The following NPY1R variants were observed in gnomAD, a reference collection of about 807,000 sequenced individuals.
NPY1R encodes neuropeptide Y receptor Y1, also known as neuropeptide Y receptor type 1.
In NPY1R, 10 loss-of-function variants were observed where a neutral mutation model predicts 24.1. That is an observed-to-expected ratio of 0.42 (90% CI 0.26 to 0.71). The LOEUF is 0.71. NPY1R is among the 30% of genes least tolerant of loss of function. The pLI is 0.28. For missense variants in NPY1R, 350 were observed against 458.0 expected (o/e 0.76, Z 2.15); for synonymous variants, 168 against 165.9 (o/e 1.01, Z -0.10).
At chr4:163,334,216 A>G (rs1196319137), upstream of NPY1R, among the ~76,000 whole-genome samples, 1 of 152,244 alleles carries the variant, frequency 6.6e-6, no homozygotes, top group Non-Finnish European at 1.5e-5. Flanking sequence ...TTAGCCTGCT[A>G]TAAGAATTAC....
intron 1 of NPY1R, among the ~76,000 whole-genome samples, chr4:163,342,457 C>T (rs935108868): frequency 1.3e-5 from 2 of 152,160 alleles, no homozygotes; most frequent in African/African-American, 2.4e-5. Context: ...TTCTCAAGGT[C>T]ATCCCTTCTT....
upstream of NPY1R, among the ~76,000 whole-genome samples, chr4:163,337,870 A>T (rs1734880821): frequency 1.3e-5 from 2 of 152,152 alleles, no homozygotes; most frequent in Admixed American, 6.5e-5. Flanking sequence ...GATAAGGTAC[A>T]TATACAGTCA....
At chr4:163,336,092 A>G (rs1044276517), upstream of NPY1R, among the ~76,000 whole-genome samples, 1 of 152,172 alleles carries the variant, frequency 6.6e-6, no homozygotes, top group Non-Finnish European at 1.5e-5. Flanking sequence ...GAAAACACAC[A>G]ATACTATTTG....
intron 1 of NPY1R, among the ~76,000 whole-genome samples, chr4:163,327,334 T>C (rs1734630246): frequency 6.6e-6 from 1 of 152,210 alleles, no homozygotes; most frequent in South Asian, 2.1e-4. Context: ...TACAGATGTC[T>C]TCTTGTATTT....
chr4:163,343,492 C>A (rs538224308), intron 1 of NPY1R, among the ~76,000 whole-genome samples: 1 of 151,928 alleles, frequency 6.6e-6, no homozygotes, highest in Admixed American at 6.6e-5. Flanking sequence ...CCACACCACC[C>A]CCCACCGTCC....
Position 163,325,575 on chromosome 4 carries a change from T to G in NPY1R, c.883A>C (p.Thr295Pro), listed in dbSNP as rs1169551818. The change falls in exon 3 of 3, where the codon ACC (threonine) becomes CCC (proline). Residue 295 changes from threonine to proline, a missense_variant. Physicochemically the swap from Thr to Pro is conservative, Grantham distance 38. Transcript: ENST00000296533. ...VFDWNHQIIA[T>P]CNHNLLFLLC... Reference sequence around the variant, plus strand: ...AGGAATAACAGATTGTGGTTGCAGGTAGCAATGATCTGATGATTCCAATCA... The same window carrying G: ...AGGAATAACAGATTGTGGTTGCAGGGAGCAATGATCTGATGATTCCAATCA... 1 of 1,614,044 alleles carries G rather than the reference T, an allele frequency of 6.2e-7. No homozygotes were observed. The highest frequency in any genetic ancestry group is 2.2e-5 in the East Asian group (1 of 44,878).
chr4:163,325,589 T>C lies in NPY1R; in HGVS notation c.869A>G (p.His290Arg), dbSNP rs775765308. 2 of 1,613,836 alleles carry C rather than the reference T, an allele frequency of 1.2e-6. No individual in the cohort carries two copies. Among genetic ancestry groups the C allele is most frequent in the Non-Finnish European group, 1.7e-6 (2 of 1,179,990 alleles). Residue 290 changes from histidine (H) to arginine (R), a missense_variant, in exon 3 of 3, where the codon CAT becomes CGT. Transcript: ENST00000296533. ...TIFNTVFDWN[H>R]QIIATCNHNL... ...GTGGTTGCAGGTAGCAATGATCTGA[T>C]GATTCCAATCAAACACAGTGTTAAA...
At chr4:163,334,861 G>GAA (rs545497813), upstream of NPY1R, among the ~76,000 whole-genome samples, 26 of 66,882 alleles carry the variant, frequency 3.9e-4, no homozygotes, top group South Asian at 1.0e-3. Flanking sequence ...CTCTGTTTTG[G>GAA]AAAAAAAAAA....
At chr4:163,336,674 A>G (rs1247134279), upstream of NPY1R, among the ~76,000 whole-genome samples, 1 of 152,214 alleles carries the variant, frequency 6.6e-6, no homozygotes, top group East Asian at 1.9e-4. Flanking sequence ...TAAAGAAAGG[A>G]GAAAGACTGG....
upstream of NPY1R, among the ~76,000 whole-genome samples, chr4:163,334,416 T>C (rs1194694794): frequency 6.6e-6 from 1 of 152,262 alleles, no homozygotes; most frequent in Non-Finnish European, 1.5e-5. Context: ...TTTATCATTT[T>C]ATTAACTCAA....
At position 163,326,372 on chromosome 4, in the gene NPY1R, C is replaced by A; in HGVS notation, c.183G>T (p.Leu61Phe). The change falls in exon 2 of 3, where the codon TTG becomes TTT. Residue 61 changes from leucine (L) to phenylalanine (F), a missense_variant. Coordinates refer to ENST00000296533, the MANE Select transcript of NPY1R (RefSeq NM_000909.6). ...CCTTTTGTTTCAAGATGATTATGATCAAGGCCAGGTTTCCAGAGACACCAA... is the reference window on the plus strand; with the variant it reads ...CCTTTTGTTTCAAGATGATTATGATAAAGGCCAGGTTTCCAGAGACACCAA... ...IILGVSGNLA[L>F]IIIILKQKEM... 1 of 1,614,054 alleles carries A rather than the reference C, an allele frequency of 6.2e-7. No individual in the cohort carries two copies. The highest frequency in any genetic ancestry group is 8.5e-7 in the Non-Finnish European group (1 of 1,179,958).
chr4:163,331,315 C>T (rs978810903), intron 1 of NPY1R: 6 of 152,212 alleles, frequency 3.9e-5, no homozygotes, highest in Admixed American at 6.5e-5. Context: ...GAAACACACT[C>T]TCTTTTGCTC....
In NPY1R at chr4:163,325,171, A is replaced by G. The variant is rs1734573205; in HGVS notation, c.*132T>C. ...AACTACAACAAAAGCAGTAAAAAGC[A>G]AGACAAGAAAATCTTAGTCATTTTC... On this transcript the variant is annotated 3_prime_UTR_variant, in exon 3 of 3. Coordinates refer to ENST00000296533, the MANE Select transcript of NPY1R (RefSeq NM_000909.6). The G allele has an allele frequency of 1.5e-6, 1 of 681,104 alleles. No homozygotes were observed. The highest frequency in any genetic ancestry group is 2.5e-6 in the Non-Finnish European group (1 of 405,960). 42.2% of individuals were successfully genotyped at this position (681,104 alleles called of 1,614,324 possible).
Position 163,326,736 on chromosome 4 carries a change from T to C in NPY1R, c.-151-31A>G, listed in dbSNP as rs554058679. On this transcript the variant is annotated intron_variant, in intron 1 of 2. Coordinates refer to ENST00000296533, the MANE Select transcript of NPY1R (RefSeq NM_000909.6). Reference sequence around the variant, plus strand: ...AAGAGAAAATGACCAATTGCATTACTAATTTTATTGAGGGCAGTCAAAATG... The same window carrying C: ...AAGAGAAAATGACCAATTGCATTACCAATTTTATTGAGGGCAGTCAAAATG... 5 of 487,402 alleles carry C rather than the reference T, an allele frequency of 1.0e-5. No homozygotes were observed. The Admixed American group carries it at 1.9e-4, about 18-fold the overall frequency. 30.2% of individuals were successfully genotyped at this position (487,402 alleles called of 1,614,324 possible).
At chr4:163,340,203 T>A (rs902299438) in intron 1 of NPY1R, among the ~76,000 whole-genome samples, 1 of 152,038 alleles carries the variant, frequency 6.6e-6, no homozygotes, top group Non-Finnish European at 1.5e-5. Context: ...ACTTATCTTT[T>A]CTCAGAGGAG....
At chr4:163,343,584 C>T (rs1312550089) in intron 1 of NPY1R, among the ~76,000 whole-genome samples, 1 of 152,086 alleles carries the variant, frequency 6.6e-6, no homozygotes. Flanking sequence ...GCCATCCTCA[C>T]ACCAGTCCAA....
rs747794326 is a variant in NPY1R, at chr4:163,325,323, CATT to C, written c.1132_1134del (p.Asn378del). 58 of 1,609,760 alleles carry C rather than the reference CATT, an allele frequency of 3.6e-5. No homozygotes were observed. The highest frequency in any genetic ancestry group is 4.6e-5 in the Non-Finnish European group (54 of 1,178,602). On this transcript the variant is annotated inframe_deletion, in exon 3 of 3. Transcript: ENST00000296533. Reference sequence around the variant, plus strand: ...TAGTTTCAGATTTTTTCATTATCATCATTGTTGTTGATTTTTTTAAATGCGACT... The same window carrying C: ...TAGTTTCAGATTTTTTCATTATCATCGTTGTTGATTTTTTTAAATGCGACT...
chr4:163,338,501 C>T (rs1050953643), intron 1 of NPY1R, among the ~76,000 whole-genome samples: 1 of 151,982 alleles, frequency 6.6e-6, no homozygotes, highest in Admixed American at 6.6e-5. Context: ...TGTAAGTCTC[C>T]TCTCTACTTT....
At chr4:163,340,129 A>G (rs1358300420) in intron 1 of NPY1R, among the ~76,000 whole-genome samples, 2 of 152,030 alleles carry the variant, frequency 1.3e-5, no homozygotes, top group African/African-American at 2.4e-5. Flanking sequence ...TTATAATTAG[A>G]TTTAAAATAT....
Sources: gnomAD v4.1 joint callset for allele counts (sites outside exome capture counted in the v4.1 genomes callset) on GRCh38, gnomAD v4.1.1 for gene constraint, MANE v1.5 for transcripts, NCBI Gene and HGNC (gene_info 2026-07-23, HGNC 2026-07-21) for gene names.